The following ATP13A4 variants were observed in gnomAD, a reference collection of about 807,000 sequenced individuals.
ATP13A4 encodes the protein ATPase 13A4.
In ATP13A4, 114 loss-of-function variants were observed where a neutral mutation model predicts 142.5. That is an observed-to-expected ratio of 0.80 (90% CI 0.69 to 0.93). The LOEUF (loss-of-function observed/expected upper bound fraction) is 0.93, where lower values mean the gene tolerates loss of function less well. ATP13A4 is among the 40% of genes least tolerant of loss of function. The pLI, the probability that ATP13A4 is intolerant of heterozygous loss-of-function variation, is 0.00. For synonymous variants in ATP13A4, 488 were observed against 514.8 expected (o/e 0.95, Z 0.70); for missense variants, 1,392 against 1,454.0 (o/e 0.96, Z 0.69).
intron 25 of ATP13A4, among the ~76,000 whole-genome samples, chr3:193,421,299 T>C (rs1026018904): frequency 2.0e-5 from 3 of 149,380 alleles, no homozygotes; most frequent in Admixed American, 1.4e-4. Flanking sequence ...AACTGGCAGC[T>C]GAAAATACTA....
At chr3:193,420,152 T>A (rs543359813) in intron 25 of ATP13A4, among the ~76,000 whole-genome samples, 1 of 150,036 alleles carries the variant, frequency 6.7e-6, no homozygotes, top group African/African-American at 2.4e-5. Flanking sequence ...CTCCCTGCTA[T>A]AACCCAGCAC....
chr3:193,532,743 G>T (rs1188605196), intron 1 of ATP13A4, among the ~76,000 whole-genome samples: 1 of 152,090 alleles, frequency 6.6e-6, no homozygotes, highest in African/African-American at 2.4e-5. Context: ...TGAAAATTCT[G>T]TAGATATTTT....
chr3:193,412,393 G>A, intron 26 of ATP13A4, 22 bp from the exon 27 acceptor site: 6 of 1,607,966 alleles, frequency 3.7e-6, no homozygotes, highest in Non-Finnish European at 5.1e-6. Flanking sequence ...AACCAAAGAA[G>A]CTAATGAAGT....
chr3:193,426,328 A>G lies in ATP13A4; in HGVS notation c.2842+7517T>C, dbSNP rs558158396. ...GAGAAAGGCTTCCACACTGAAAACT[A>G]CAAAACTTTGTTGAAAGAAATTAAA... On this transcript the variant is annotated intron_variant, in intron 25 of 29. Coordinates refer to ENST00000342695, the MANE Select transcript of ATP13A4 (RefSeq NM_032279.4). Among the ~76,000 whole-genome samples the G allele has an allele frequency of 2.2e-3, 339 of 152,006 alleles. 1 individual carries two copies. The highest frequency in any genetic ancestry group is 7.7e-3 in the African/African-American group (322 of 41,550).
chr3:193,521,949 A>G (rs1721742006), intron 1 of ATP13A4, among the ~76,000 whole-genome samples: 1 of 151,884 alleles, frequency 6.6e-6, no homozygotes, highest in African/African-American at 2.4e-5. Context: ...TAATACTAAT[A>G]AAATAGAAAA....
intron 26 of ATP13A4, among the ~76,000 whole-genome samples, chr3:193,413,482 A>C (rs2108604431): frequency 6.6e-6 from 1 of 152,350 alleles, no homozygotes; most frequent in East Asian, 1.9e-4. Context: ...GAATAGAGCC[A>C]TATTTTTCTT....
At chr3:193,537,665 T>C (rs1372759439) in intron 1 of ATP13A4, among the ~76,000 whole-genome samples, 2 of 152,176 alleles carry the variant, frequency 1.3e-5, no homozygotes, top group Admixed American at 6.5e-5. Context: ...AACTACTGAA[T>C]GAGAGAAAAC....
intron 2 of ATP13A4, among the ~76,000 whole-genome samples, chr3:193,505,169 G>T (rs1577031775): frequency 6.6e-6 from 1 of 152,114 alleles, no homozygotes; most frequent in Admixed American, 6.6e-5. Flanking sequence ...TCTATGGCTT[G>T]CATGTAAAAA....
intron 1 of ATP13A4, among the ~76,000 whole-genome samples, chr3:193,535,427 T>C (rs892265370): frequency 2.0e-5 from 3 of 151,862 alleles, no homozygotes; most frequent in African/African-American, 7.3e-5. Context: ...CACTTTTGAA[T>C]AATTCATGGG....
chr3:193,564,001 T>C (rs1724080570), intron 2 of ATP13A4, among the ~76,000 whole-genome samples: 1 of 152,188 alleles, frequency 6.6e-6, no homozygotes, highest in Non-Finnish European at 1.5e-5. Context: ...CCTAAAAAAA[T>C]ATAAAATGGA....
At chr3:193,573,317 A>ATATATTCTTATATATATATATACG (rs1274034170) in intron 2 of ATP13A4, among the ~76,000 whole-genome samples, 7 of 141,638 alleles carry the variant, frequency 4.9e-5, no homozygotes, top group Admixed American at 1.4e-4. Context: ...ACATATATAT[A>ATATATTCTTATATATATATATACG]TATATATATA....
At chr3:193,530,752 G>T (rs1250377635) in intron 1 of ATP13A4, among the ~76,000 whole-genome samples, 1 of 152,168 alleles carries the variant, frequency 6.6e-6, no homozygotes, top group Non-Finnish European at 1.5e-5. Flanking sequence ...TTCTCAGGAT[G>T]TTGTGATTTC....
At chr3:193,425,197 A>G (rs1387394138) in intron 25 of ATP13A4, among the ~76,000 whole-genome samples, 1 of 151,800 alleles carries the variant, frequency 6.6e-6, no homozygotes, top group African/African-American at 2.4e-5. Flanking sequence ...TATTATCAAA[A>G]AGACAAAAAA....
chr3:193,529,598 C>T (rs1032755115), intron 1 of ATP13A4, among the ~76,000 whole-genome samples: 3 of 136,760 alleles, frequency 2.2e-5, no homozygotes, highest in African/African-American at 5.4e-5. Context: ...ATGCTAATAA[C>T]GACACCTCTC....
At chr3:193,562,492 A>C (rs1724037927) in intron 2 of ATP13A4, among the ~76,000 whole-genome samples, 1 of 152,160 alleles carries the variant, frequency 6.6e-6, no homozygotes, top group African/African-American at 2.4e-5. Context: ...GAGTCCATAG[A>C]CTAGGGATTT....
chr3:193,554,668 G>A, intron 1 of ATP13A4, 72 bp downstream of exon 1: 1 of 1,382,966 alleles, frequency 7.2e-7, no homozygotes, highest in South Asian at 1.2e-5. Flanking sequence ...GTGTGTGTGT[G>A]TGTGTGTGTG....
intron 2 of ATP13A4, among the ~76,000 whole-genome samples, chr3:193,512,671 G>A (rs546525893): frequency 8.5e-5 from 13 of 152,138 alleles, no homozygotes; most frequent in Admixed American, 3.3e-4. Context: ...AAGCTGTTCC[G>A]ATAGCCTCTC....
At chr3:193,484,045 A>G (rs1188942571) in intron 7 of ATP13A4, 40 bp from the exon 8 acceptor site, 1 of 1,509,992 alleles carries the variant, frequency 6.6e-7, no homozygotes, top group Non-Finnish European at 9.2e-7. Flanking sequence ...TATCTATTTG[A>G]GCATAGTTTC....
intron 7 of ATP13A4, among the ~76,000 whole-genome samples, chr3:193,484,816 T>A (rs1719509650): frequency 6.6e-6 from 1 of 152,072 alleles, no homozygotes; most frequent in South Asian, 2.1e-4. Context: ...ATTTACAGCC[T>A]GCTGAGAAAA....
Sources: allele counts gnomAD v4.1 joint callset (sites outside exome capture counted in the v4.1 genomes callset), GRCh38; gene constraint gnomAD v4.1.1; transcripts MANE v1.5; gene names NCBI Gene and HGNC (gene_info 2026-07-23, HGNC 2026-07-21).